C8orf34: variants seen among roughly 807,000 people sequenced by gnomAD.
C8orf34 encodes uncharacterized protein C8orf34.
C8orf34 carries 65 observed loss-of-function variants against 68.3 expected under a neutral mutation model. The ratio of observed to expected loss-of-function variants is 0.95; its 90% CI spans 0.78 to 1.17. The LOEUF (loss-of-function observed/expected upper bound fraction) is 1.17. C8orf34 is among the 50% of genes most tolerant of loss of function. The probability of loss-of-function intolerance (pLI) is 0.00; values close to 1 mark genes in which losing one functional copy is unlikely to be tolerated. For synonymous variants in C8orf34, 244 were observed against 241.2 expected (o/e 1.01, Z -0.11); for missense variants, 664 against 655.4 (o/e 1.01, Z -0.14).
chr8:68,627,018 G>C (rs1403285563), intron 7 of C8orf34, among the ~76,000 whole-genome samples: 2 of 151,896 alleles, frequency 1.3e-5, no homozygotes, highest in African/African-American at 4.8e-5. Flanking sequence ...ACTTTAAAAT[G>C]GTAATTAAAA....
At chr8:68,799,826 A>T (rs564031606) in intron 12 of C8orf34, among the ~76,000 whole-genome samples, 35 of 152,340 alleles carry the variant, frequency 2.3e-4, no homozygotes, top group Middle Eastern at 3.4e-3. Context: ...CAGTAGAAAC[A>T]CGAGATTGGA....
At chr8:68,628,560 C>G (rs989892497) in intron 7 of C8orf34, among the ~76,000 whole-genome samples, 2 of 152,112 alleles carry the variant, frequency 1.3e-5, no homozygotes, top group Non-Finnish European at 2.9e-5. Flanking sequence ...ATAATTCACT[C>G]AGAATATATA....
rs34893031 is a variant in C8orf34, at chr8:68,604,875, ACTT to A, written c.1106-35498_1106-35496del. Among the ~76,000 whole-genome samples, 273 of 152,262 alleles carry A rather than the reference ACTT, an allele frequency of 1.8e-3. 1 individual carries two copies. Among genetic ancestry groups the A allele is most frequent in the Middle Eastern group, 3.4e-3 (1 of 294 alleles). ...AAGCTAAACTTAATGAAAATTAAAA[ACTT>A]CTGCTCTGCAAAAGGCATTGTCAAG... On this transcript the variant is annotated intron_variant, in intron 7 of 13. Coordinates refer to ENST00000518698, the MANE Select transcript of C8orf34 (RefSeq NM_052958.4).
intron 5 of C8orf34, among the ~76,000 whole-genome samples, chr8:68,517,473 C>T (rs1472361120): frequency 6.6e-6 from 1 of 152,148 alleles, no homozygotes; most frequent in African/African-American, 2.4e-5. Context: ...ATATTCACTT[C>T]CTAACTCCTC....
At chr8:68,781,350 C>T (rs1482979455) in intron 11 of C8orf34, among the ~76,000 whole-genome samples, 1 of 152,122 alleles carries the variant, frequency 6.6e-6, no homozygotes, top group African/African-American at 2.4e-5. Context: ...AACCATGTTC[C>T]ATGTGATAAA....
chr8:68,718,960 C>T (rs1467500533), intron 9 of C8orf34, among the ~76,000 whole-genome samples: 3 of 152,096 alleles, frequency 2.0e-5, no homozygotes, highest in African/African-American at 4.8e-5. Context: ...TCATTTCCCA[C>T]CCATCCATAG....
intron 12 of C8orf34, among the ~76,000 whole-genome samples, chr8:68,804,289 T>C (rs768975747): frequency 4.6e-5 from 7 of 152,202 alleles, no homozygotes; most frequent in African/African-American, 1.7e-4. Flanking sequence ...TGAGGACAGA[T>C]AGCAGATGTT....
In C8orf34 at chr8:68,443,701, C is replaced by A. The variant is rs572005652; in HGVS notation, c.476-2628C>A. Among the ~76,000 whole-genome samples, 12 of 152,196 alleles carry A rather than the reference C, an allele frequency of 7.9e-5. No individual in the cohort carries two copies. The East Asian group carries it at 1.9e-3, about 25-fold the overall frequency. On this transcript the variant is annotated intron_variant, in intron 2 of 13. Coordinates refer to ENST00000518698, the MANE Select transcript of C8orf34 (RefSeq NM_052958.4). ...GATTACAGGCATGAGCCTCCACACC[C>A]AGCCTGGTGCATCTTTTAATTAGCC... is the stretch of plus-strand genomic sequence containing the variant.
chr8:68,762,972 A>G (rs1823062685), intron 10 of C8orf34, among the ~76,000 whole-genome samples: 1 of 152,186 alleles, frequency 6.6e-6, no homozygotes, highest in African/African-American at 2.4e-5. Context: ...GTAATGAAGC[A>G]TTGGAATTGT....
At chr8:68,627,386 A>G (rs1194309394) in intron 7 of C8orf34, among the ~76,000 whole-genome samples, 19 of 152,146 alleles carry the variant, frequency 1.2e-4, no homozygotes, top group Non-Finnish European at 5.9e-5. Flanking sequence ...TTGCACTTCA[A>G]TTAAAGCTAT....
At chr8:68,605,719 GA>G (rs1586439342) in intron 7 of C8orf34, among the ~76,000 whole-genome samples, 2 of 152,164 alleles carry the variant, frequency 1.3e-5, no homozygotes, top group Admixed American at 6.6e-5. Flanking sequence ...AGGGCTTGAG[GA>G]GGGAGGAATC....
chr8:68,406,277 T>C (rs1809190285), intron 1 of C8orf34, among the ~76,000 whole-genome samples: 1 of 152,098 alleles, frequency 6.6e-6, no homozygotes, highest in Non-Finnish European at 1.5e-5. Context: ...GGTTTGGAAT[T>C]ATCAAGAGTT....
At chr8:68,516,650 T>TTTATTTATTTA (rs1814531565) in intron 5 of C8orf34, among the ~76,000 whole-genome samples, 1 of 112,174 alleles carries the variant, frequency 8.9e-6, no homozygotes, top group African/African-American at 6.6e-5. Flanking sequence ...TTATTTATTT[T>TTTATTTATTTA]TTATTTATTT....
At chr8:68,582,217 T>C (rs1328940269) in intron 7 of C8orf34, among the ~76,000 whole-genome samples, 1 of 152,154 alleles carries the variant, frequency 6.6e-6, no homozygotes, top group African/African-American at 2.4e-5. Context: ...GAGAGCTATG[T>C]AGAAATATGA....
chr8:68,683,839 T>C (rs1820437591), intron 8 of C8orf34, among the ~76,000 whole-genome samples: 1 of 152,110 alleles, frequency 6.6e-6, no homozygotes, highest in Non-Finnish European at 1.5e-5. Flanking sequence ...CCCATAAGGG[T>C]TGGAAGAGGC....
rs1807752411 is a variant in C8orf34, at chr8:68,375,471, A to G, written c.327+44132A>G. 2.0e-5 allele frequency among the ~76,000 whole-genome samples: 3 copies of G among 152,340 alleles called. 1 individual carries two copies. The highest frequency in any genetic ancestry group is 1.5e-5 in the Non-Finnish European group (1 of 68,022). On this transcript the variant is annotated intron_variant, in intron 1 of 13. Coordinates refer to ENST00000518698, the MANE Select transcript of C8orf34 (RefSeq NM_052958.4). ...CCATTGAGAAACCACAGCCACAACC[A>G]TTAAATGGACATGCACAAGCATCGT... is the stretch of plus-strand genomic sequence containing the variant.
At chr8:68,620,875 C>T (rs1197310863) in intron 7 of C8orf34, among the ~76,000 whole-genome samples, 2 of 151,428 alleles carry the variant, frequency 1.3e-5, no homozygotes, top group Non-Finnish European at 2.9e-5. Flanking sequence ...TTTATCCATC[C>T]TAATTGTAGT....
intron 5 of C8orf34, among the ~76,000 whole-genome samples, 178 bp from the exon 6 acceptor site, chr8:68,521,621 A>G (rs1814758178): frequency 1.3e-5 from 2 of 152,168 alleles, no homozygotes; most frequent in Admixed American, 6.5e-5. Flanking sequence ...TGACCTTAGG[A>G]ATTAGCATAA....
intron 1 of C8orf34, among the ~76,000 whole-genome samples, chr8:68,334,569 T>C (rs1463065321): frequency 6.6e-6 from 1 of 152,128 alleles, no homozygotes; most frequent in Non-Finnish European, 1.5e-5. Context: ...TTATATATCT[T>C]GGTTCAGGCC....
Sources: allele counts gnomAD v4.1 joint callset (sites outside exome capture counted in the v4.1 genomes callset), GRCh38; gene constraint gnomAD v4.1.1; transcripts MANE v1.5; gene names NCBI Gene and HGNC (gene_info 2026-07-23, HGNC 2026-07-21).